Variants in NWD2 observed in about 807,000 individuals in gnomAD.
NWD2 encodes NACHT and WD repeat domain-containing protein 2.
In NWD2, 37 loss-of-function variants were observed where a neutral mutation model predicts 132.7. The observed-to-expected ratio is 0.28, with a 90% CI of 0.21 to 0.37. NWD2 has a LOEUF of 0.37. Ranked by LOEUF, NWD2 falls within the 10% of genes least tolerant of loss-of-function variation. NWD2 has a pLI of 1.00. For missense variants in NWD2, 1,592 were observed against 2,122.4 expected (o/e 0.75, Z 4.91); for synonymous variants, 705 against 803.0 (o/e 0.88, Z 2.06).
In NWD2 at chr4:37,443,522, A is replaced by T; in HGVS notation, c.1534A>T (p.Ile512Leu). The T allele has an allele frequency of 6.4e-7, 1 of 1,551,850 alleles. No individual in the cohort carries two copies. The highest frequency in any genetic ancestry group is 8.7e-7 in the Non-Finnish European group (1 of 1,146,980). Residue 512 changes from isoleucine (I) to leucine (L), a missense_variant, in exon 7 of 7, where the codon ATA (isoleucine) becomes TTA (leucine). Around this residue, in one of 7 missense-constraint regions of NWD2, gnomAD observed 1,071 missense variants for 1,398.0 expected, o/e 0.77. Transcript: ENST00000309447. This position sits in a 1 kb window ranked among gnomAD's most constrained non-coding sequence, Gnocchi z 4.1. The stretch of plus-strand genomic sequence containing the variant: ...TTCACTGCAGAGACCTCTAGTCATA[A>T]TATTCGATGCACTAGAGCAGCTCTC... ...ESSLQRPLVI[I>L]FDALEQLSEN...
chr4:37,276,268 C>A (rs2109265925), intron 1 of NWD2, among the ~76,000 whole-genome samples: 1 of 152,242 alleles, frequency 6.6e-6, no homozygotes, highest in East Asian at 1.9e-4. Flanking sequence ...AAACAAACAA[C>A]CCCATCAAAA....
At chr4:37,434,652 C>A (rs1712265976) in intron 5 of NWD2, among the ~76,000 whole-genome samples, 2 of 152,060 alleles carry the variant, frequency 1.3e-5, no homozygotes, top group African/African-American at 4.8e-5. Flanking sequence ...AAAATCAGAA[C>A]TGACAGTGCC....
At chr4:37,282,658 C>G (rs1460264760) in intron 1 of NWD2, among the ~76,000 whole-genome samples, 6 of 152,154 alleles carry the variant, frequency 3.9e-5, no homozygotes, top group Admixed American at 3.9e-4. Context: ...GCTCCGAGAA[C>G]CTACCTCTAT....
chr4:37,441,140 C>T (rs188374216), intron 6 of NWD2, among the ~76,000 whole-genome samples: 78 of 152,280 alleles, frequency 5.1e-4, no homozygotes, highest in African/African-American at 1.9e-3. Flanking sequence ...ATCTATCAAG[C>T]CCAGCTGGGT....
chr4:37,350,590 T>C (rs11096870), intron 2 of NWD2, among the ~76,000 whole-genome samples: 62,567 of 151,960 alleles, frequency 0.41, 13,439 homozygotes, highest in East Asian at 0.59. Flanking sequence ...TGGGCTGAGA[T>C]GGTGGAGTTT....
chr4:37,343,596 A>G (rs1288872840), intron 2 of NWD2, among the ~76,000 whole-genome samples: 1 of 152,224 alleles, frequency 6.6e-6, no homozygotes, highest in Non-Finnish European at 1.5e-5. Flanking sequence ...CCTTCATTTC[A>G]GTGCTGAATT....
At chr4:37,442,876 C>G (rs1712523135) in intron 6 of NWD2, among the ~76,000 whole-genome samples, 1 of 151,856 alleles carries the variant, frequency 6.6e-6, no homozygotes, top group African/African-American at 2.4e-5. Flanking sequence ...CTTATCCATT[C>G]ATTAAACACT....
rs115010120 is a variant in NWD2 at position 37,285,123 on chromosome 4, C to A, written c.151+39905C>A. Among the ~76,000 whole-genome samples, 297 of 152,272 alleles carry A rather than the reference C, an allele frequency of 2.0e-3. 1 individual carries two copies. The highest frequency in any genetic ancestry group is 6.8e-3 in the African/African-American group (283 of 41,558). On this transcript the variant is annotated intron_variant, in intron 1 of 6. Coordinates refer to ENST00000309447, the MANE Select transcript of NWD2 (RefSeq NM_001144990.2). ...ACCCAGCCCCTTTCACTCCCCACAT[C>A]CTCATTTTACCTGTGAGGAACTGAA...
intron 3 of NWD2, among the ~76,000 whole-genome samples, chr4:37,365,398 TA>T (rs1720081286): frequency 2.6e-5 from 4 of 152,206 alleles, no homozygotes; most frequent in Admixed American, 2.6e-4. Flanking sequence ...AAATGTATTT[TA>T]AAATGAGAAA....
chr4:37,334,683 C>T (rs1378010946), intron 2 of NWD2, among the ~76,000 whole-genome samples: 1 of 152,144 alleles, frequency 6.6e-6, no homozygotes, highest in Non-Finnish European at 1.5e-5. Context: ...GGGTGTTTAG[C>T]TAATCTCAAT....
intron 3 of NWD2, among the ~76,000 whole-genome samples, chr4:37,413,687 T>A (rs1314777700): frequency 6.6e-6 from 1 of 152,132 alleles, no homozygotes; most frequent in Non-Finnish European, 1.5e-5. Context: ...TTTATTGCGG[T>A]GTGGTTCACA....
chr4:37,366,779 CA>C (rs1168251696), intron 3 of NWD2, among the ~76,000 whole-genome samples: 1 of 151,948 alleles, frequency 6.6e-6, no homozygotes, highest in Non-Finnish European at 1.5e-5. Context: ...AGGTTCAATT[CA>C]ACAGAAAAAT....
At chr4:37,260,338 C>T (rs1281556637) in intron 1 of NWD2, among the ~76,000 whole-genome samples, 2 of 152,126 alleles carry the variant, frequency 1.3e-5, no homozygotes, top group East Asian at 3.9e-4. Context: ...GGTTGACAAA[C>T]AGGTTCTCTG....
intron 1 of NWD2, among the ~76,000 whole-genome samples, chr4:37,257,825 A>G (rs1314891141): frequency 9.2e-5 from 14 of 152,234 alleles, no homozygotes; most frequent in Non-Finnish European, 2.9e-5. Context: ...TCTAAATAAT[A>G]GAGCAGAAAC....
rs191684969 is a variant in NWD2, at chr4:37,277,098, A to G, written c.151+31880A>G. ...ATGTACATATGTAACAAACCTGCAC[A>G]TTGTGCACATGTACCCTAAAACTTA... On this transcript the variant is annotated intron_variant, in intron 1 of 6. Transcript: ENST00000309447. Among the ~76,000 whole-genome samples the G allele has an allele frequency of 2.4e-4, 36 of 151,354 alleles. No individual in the cohort carries two copies. In the South Asian group the frequency reaches 7.3e-3, roughly 31 times the overall value.
At chr4:37,287,676 G>A (rs28733065) in intron 1 of NWD2, among the ~76,000 whole-genome samples, 5,354 of 152,272 alleles carry the variant, frequency 0.035, 308 homozygotes, top group African/African-American at 0.12. Flanking sequence ...AGGGGTGGCC[G>A]CAGTCTTTGC....
intron 3 of NWD2, among the ~76,000 whole-genome samples, chr4:37,402,903 G>T (rs1242474693): frequency 6.6e-6 from 1 of 152,114 alleles, no homozygotes; most frequent in African/African-American, 2.4e-5. Context: ...TTTTATGTTT[G>T]ATGCGTTGTT....
chr4:37,282,000 G>A (rs1718139378), intron 1 of NWD2, among the ~76,000 whole-genome samples: 1 of 152,080 alleles, frequency 6.6e-6, no homozygotes. Context: ...CATCTCTTCT[G>A]TACATACACA....
intron 3 of NWD2, among the ~76,000 whole-genome samples, chr4:37,421,803 G>A (rs1209415716): frequency 2.0e-5 from 3 of 152,110 alleles, no homozygotes; most frequent in African/African-American, 7.2e-5. Flanking sequence ...GTCAGTTCAG[G>A]CCACAAGGAC....
Sources: allele counts gnomAD v4.1 joint callset (sites outside exome capture counted in the v4.1 genomes callset), GRCh38; gene constraint gnomAD v4.1.1; regional missense constraint gnomAD v4.1.1; non-coding constraint Gnocchi (gnomAD v3.1); transcripts MANE v1.5; gene names NCBI Gene and HGNC (gene_info 2026-07-23, HGNC 2026-07-21).